Variants in NLRP12 observed in about 807,000 individuals in gnomAD.
NLRP12 encodes the protein NLR family pyrin domain containing 12.
In NLRP12, 108 loss-of-function variants were observed where a neutral mutation model predicts 91.2. That is an observed-to-expected ratio of 1.18 (90% CI 1.01 to 1.39). The LOEUF (loss-of-function observed/expected upper bound fraction) is 1.39, where lower values mean the gene tolerates loss of function less well. NLRP12 is among the 40% of genes most tolerant of loss of function. The pLI is 0.00. For missense variants in NLRP12, 1,530 were observed against 1,352.7 expected (o/e 1.13, Z -2.06); for synonymous variants, 613 against 566.7 (o/e 1.08, Z -1.16).
chr19:53,808,687 C>G (rs1403724209), intron 3 of NLRP12: 1 of 152,118 alleles, frequency 6.6e-6, no homozygotes, highest in Non-Finnish European at 1.5e-5. Context: ...GAGCCACACT[C>G]TCTCAAGAAA....
At chr19:53,794,666 A>T (rs1425043623) in intron 9 of NLRP12, among the ~76,000 whole-genome samples, 4 of 133,590 alleles carry the variant, frequency 3.0e-5, no homozygotes, top group African/African-American at 8.7e-5. Context: ...TATGTTCTCC[A>T]TTTTTTTTTT....
At chr19:53,821,333 C>A (rs2092262684) in intron 1 of NLRP12, among the ~76,000 whole-genome samples, 2 of 151,930 alleles carry the variant, frequency 1.3e-5, no homozygotes, top group African/African-American at 2.4e-5. Flanking sequence ...CCACCGCACC[C>A]AGCTCATTGT....
At chr19:53,823,827 G>A in intron 1 of NLRP12, 59 bp downstream of exon 1, 1 of 1,593,406 alleles carries the variant, frequency 6.3e-7, no homozygotes. Flanking sequence ...TGAGATTACA[G>A]GTATGAGTCA....
chr19:53,820,681 AAAAT>A (rs1031444325), intron 1 of NLRP12, among the ~76,000 whole-genome samples: 1 of 131,864 alleles, frequency 7.6e-6, no homozygotes, highest in African/African-American at 2.8e-5. Flanking sequence ...CTATCTCTAA[AAAAT>A]AAATTATTTT....
intron 2 of NLRP12, among the ~76,000 whole-genome samples, 162 bp from the exon 3 acceptor site, chr19:53,811,450 G>T (rs1051310221): frequency 6.6e-6 from 1 of 151,808 alleles, no homozygotes; most frequent in African/African-American, 2.4e-5. Flanking sequence ...TGAGGTGGAG[G>T]TTGCAGTGAG....
chr19:53,796,639 C>T (rs180704483), intron 8 of NLRP12, among the ~76,000 whole-genome samples: 2 of 152,070 alleles, frequency 1.3e-5, no homozygotes, highest in Non-Finnish European at 2.9e-5. Flanking sequence ...CAACCTTGGC[C>T]TCCCAAAGTG....
intron 9 of NLRP12, among the ~76,000 whole-genome samples, chr19:53,794,522 G>A (rs867789128): frequency 2.0e-4 from 30 of 147,022 alleles, no homozygotes; most frequent in African/African-American, 6.3e-4. Context: ...GGTTTCACCC[G>A]TGTTAGCCAG....
chr19:53,799,632 G>A (rs1283389243), intron 7 of NLRP12, among the ~76,000 whole-genome samples: 2 of 151,758 alleles, frequency 1.3e-5, no homozygotes, highest in African/African-American at 4.8e-5. Context: ...TCAGGCGTCC[G>A]CCACCATGCC....
intron 2 of NLRP12, among the ~76,000 whole-genome samples, chr19:53,812,925 G>A (rs2092099552): frequency 7.0e-6 from 1 of 142,508 alleles, no homozygotes; most frequent in Admixed American, 7.6e-5. Context: ...CTGTCCCCCA[G>A]GCTGGAGTGC....
In NLRP12 at chr19:53,809,697, C is replaced by A; in HGVS notation, c.1962G>T (p.Leu654=). The A allele has an allele frequency of 6.2e-7, 1 of 1,614,072 alleles. No individual in the cohort carries two copies. Among genetic ancestry groups the A allele is most frequent in the South Asian group, 1.1e-5 (1 of 91,076 alleles). ...KMEHMVSSFC[L]KRCRSAQVLH... is the part of the protein sequence containing the mutation. ...GCACCTGGGCGCTCCTGCAGCGCTT[C>A]AGACAGAACGAGGAGACCATGTGCT... The change falls in exon 3 of 10, where the codon CTG becomes CTT. Residue 654 remains leucine (L), a synonymous_variant. Coordinates refer to ENST00000324134, the MANE Select transcript of NLRP12 (RefSeq NM_144687.4).
At chr19:53,813,644 C>T (rs552561291) in intron 2 of NLRP12, among the ~76,000 whole-genome samples, 52 of 151,440 alleles carry the variant, frequency 3.4e-4, no homozygotes, top group Admixed American at 2.0e-3. Flanking sequence ...TTTGACTACT[C>T]TAGGTGCCTT....
At chr19:53,805,206 A>G (rs959338864) in intron 5 of NLRP12, 74 bp downstream of exon 5, 1 of 1,463,820 alleles carries the variant, frequency 6.8e-7, no homozygotes, top group Non-Finnish European at 9.6e-7. Context: ...TTTGGGGATT[A>G]CCAGCATTTT....
rs554427421 is a variant in NLRP12, at chr19:53,806,923, C to T, written c.2243+572G>A. Among the ~76,000 whole-genome samples the T allele has an allele frequency of 1.6e-4, 24 of 151,644 alleles. 1 individual carries two copies. The highest frequency in any genetic ancestry group is 9.2e-4 in the Admixed American group (14 of 15,154). The stretch of plus-strand genomic sequence containing the variant: ...TTGGAGACCCACACAGCAGGATGAC[C>T]ATGTGAAGACAGAAGGCAGTGATCT... On this transcript the variant is annotated intron_variant, in intron 4 of 9. Coordinates refer to ENST00000324134, the MANE Select transcript of NLRP12 (RefSeq NM_144687.4).
intron 4 of NLRP12, 38 bp downstream of exon 4, chr19:53,807,457 G>A: frequency 6.2e-7 from 1 of 1,600,798 alleles, no homozygotes; most frequent in Non-Finnish European, 8.5e-7. Context: ...AGGCCACGGT[G>A]GGGACCACCT....
chr19:53,801,385 G>A lies in NLRP12; in HGVS notation c.2598C>T (p.Cys866=). The A allele has an allele frequency of 1.2e-6, 2 of 1,613,770 alleles. No homozygotes were observed. Among genetic ancestry groups the A allele is most frequent in the Admixed American group, 3.3e-5 (2 of 59,950 alleles). Reference sequence around the variant, plus strand: ...CGTCACAGGCAGCAGCAGTGAGGCGGCAGATCTTCAGCCTGCACAAAGTCC... The same window carrying A: ...CGTCACAGGCAGCAGCAGTGAGGCGACAGATCTTCAGCCTGCACAAAGTCC... ...CRLRTLWLKI[C]RLTAAACDEL... The change falls in exon 7 of 10, where the codon TGC becomes TGT. Residue 866 remains cysteine (C), a synonymous_variant. Transcript: ENST00000324134.
At chr19:53,823,681 T>C (rs1487108530) in intron 1 of NLRP12, among the ~76,000 whole-genome samples, 3 of 151,474 alleles carry the variant, frequency 2.0e-5, no homozygotes, top group African/African-American at 7.3e-5. Context: ...CCTGAGAAGC[T>C]GGGATCACAG....
chr19:53,795,546 T>A (rs1013523115), intron 9 of NLRP12, among the ~76,000 whole-genome samples: 2 of 150,416 alleles, frequency 1.3e-5, no homozygotes, highest in Non-Finnish European at 3.0e-5. Flanking sequence ...GGCTAATTTT[T>A]TGTGTTTTTA....
chr19:53,800,449 C>A (rs1030629022), intron 7 of NLRP12, among the ~76,000 whole-genome samples: 1 of 152,140 alleles, frequency 6.6e-6, no homozygotes, highest in Admixed American at 6.6e-5. Flanking sequence ...CAGAGCAAGA[C>A]CCTGTCTCAA....
chr19:53,801,244 G>C lies in NLRP12; in HGVS notation c.2739C>G (p.Cys913Trp), dbSNP rs2122562229. The part of the protein sequence containing the change: ...LLCEGLRHPT[C>W]KLQTLRLGIC... Reference sequence around the variant, plus strand: ...GGACTCACCGCAGGGTCTGGAGCTTGCACGTGGGATGCCTGAGGCCCTCAC... The same window carrying C: ...GGACTCACCGCAGGGTCTGGAGCTTCCACGTGGGATGCCTGAGGCCCTCAC... The change falls in exon 7 of 10, where the codon TGC becomes TGG. Residue 913 changes from cysteine to tryptophan, a missense_variant. Coordinates refer to ENST00000324134, the MANE Select transcript of NLRP12 (RefSeq NM_144687.4). 6.2e-7 allele frequency: 1 copy of C among 1,613,924 alleles called. No homozygotes were observed. The highest frequency in any genetic ancestry group is 1.1e-5 in the South Asian group (1 of 91,068).
Sources: allele counts gnomAD v4.1 joint callset (sites outside exome capture counted in the v4.1 genomes callset), GRCh38; gene constraint gnomAD v4.1.1; transcripts MANE v1.5; gene names NCBI Gene and HGNC (gene_info 2026-07-23, HGNC 2026-07-21).